Variants in PTPRJ observed in about 807,000 individuals in gnomAD.
PTPRJ encodes protein tyrosine phosphatase receptor type J.
A neutral mutation model predicts 141.3 loss-of-function variants in PTPRJ; 129 were observed. The observed-to-expected ratio is 0.91, with a 90% CI of 0.79 to 1.06. The LOEUF (loss-of-function observed/expected upper bound fraction) is 1.06, where lower values mean the gene tolerates loss of function less well. PTPRJ is among the 50% of genes least tolerant of loss of function. The pLI, the probability that PTPRJ is intolerant of heterozygous loss-of-function variation, is 0.00. For synonymous variants in PTPRJ, 610 were observed against 640.5 expected, an observed-to-expected ratio of 0.95 and a Z score of 0.72; for missense variants, 1,601 against 1,679.7, an observed-to-expected ratio of 0.95 and a Z score of 0.82.
chr11:48,156,050 T>C lies in PTPRJ; in HGVS notation c.3369T>C (p.Phe1123=), dbSNP rs1272662207. ...QGPLPNTLKD[F]WRMVWEKNVY... ...CTTTACCGAACACTTTGAAAGATTT[T>C]TGGCGTATGGTTTGGGAGAAAAATG... Residue 1123 remains phenylalanine, a synonymous_variant, in exon 21 of 25, where the codon TTT becomes TTC. Coordinates refer to ENST00000418331, the MANE Select transcript of PTPRJ (RefSeq NM_002843.4). 1.2e-6 allele frequency: 2 copies of C among 1,603,594 alleles called. No individual in the cohort carries two copies. Among genetic ancestry groups the C allele is most frequent in the South Asian group, 2.2e-5 (2 of 90,848 alleles).
intron 1 of PTPRJ, among the ~76,000 whole-genome samples, chr11:48,014,225 C>T (rs368885284): frequency 1.3e-5 from 2 of 152,256 alleles, no homozygotes; most frequent in South Asian, 2.1e-4. Flanking sequence ...TCTATCCTTC[C>T]TTCTGTGTGA....
At chr11:48,013,791 G>A (rs1854876790) in intron 1 of PTPRJ, among the ~76,000 whole-genome samples, 1 of 152,166 alleles carries the variant, frequency 6.6e-6, no homozygotes, top group South Asian at 2.1e-4. Flanking sequence ...GGGGACTCAG[G>A]ACATGCACCC....
chr11:48,053,251 A>AT (rs1854635384), intron 1 of PTPRJ, among the ~76,000 whole-genome samples: 1 of 82,286 alleles, frequency 1.2e-5, no homozygotes, highest in Non-Finnish European at 2.1e-5. Flanking sequence ...TATTTATATA[A>AT]TATATATAAT....
chr11:48,103,541 A>G (rs187585615), intron 1 of PTPRJ, among the ~76,000 whole-genome samples: 60 of 152,344 alleles, frequency 3.9e-4, no homozygotes, highest in Non-Finnish European at 8.1e-4. Flanking sequence ...CCAAATAGTG[A>G]ATCACATCAA....
At chr11:48,125,699 G>A (rs1856814124) in intron 6 of PTPRJ, among the ~76,000 whole-genome samples, 1 of 152,216 alleles carries the variant, frequency 6.6e-6, no homozygotes, top group Non-Finnish European at 1.5e-5. Flanking sequence ...AGGCTTTGGT[G>A]AAAAGAGCGG....
intron 24 of PTPRJ, 55 bp from the exon 25 acceptor site, chr11:48,167,149 C>T (rs1857934622): frequency 6.5e-7 from 1 of 1,528,178 alleles, no homozygotes; most frequent in African/African-American, 1.4e-5. Context: ...ATTTTGGGTG[C>T]TAATTTCTGG....
Position 48,163,487 on chromosome 11 carries a change from AC to A in PTPRJ, c.3589del (p.Gln1197SerfsTer30). Reference protein sequence around the residue: ...IQTSESHPLRQFHFTSWPDHG... With the variant: ...IQTSESHPLRXFHFTSWPDHG... ...AGACAAGTGAGAGTCACCCTCTGAG[AC>A]AGTTCCATTTCACCTCCTGGCCAGA... On this transcript the variant is annotated frameshift_variant, in exon 23 of 25. Coordinates refer to ENST00000418331, the MANE Select transcript of PTPRJ (RefSeq NM_002843.4). LOFTEE classifies it high-confidence loss of function. 4 of 1,613,992 alleles carry A rather than the reference AC, an allele frequency of 2.5e-6. No individual in the cohort carries two copies. The highest frequency in any genetic ancestry group is 3.4e-6 in the Non-Finnish European group (4 of 1,179,992).
At chr11:48,159,340 A>G (rs1402195375) in intron 21 of PTPRJ, among the ~76,000 whole-genome samples, 2 of 152,222 alleles carry the variant, frequency 1.3e-5, no homozygotes, top group Admixed American at 1.3e-4. Flanking sequence ...GCCTTGGGAA[A>G]AAGTCCTCAT....
intron 18 of PTPRJ, 93 bp from the exon 19 acceptor site, chr11:48,153,703 A>T: frequency 2.6e-6 from 2 of 778,866 alleles, no homozygotes; most frequent in Non-Finnish European, 4.4e-6. Flanking sequence ...TGTCTATGGG[A>T]CTGTTGGGCT....
chr11:48,033,952 C>T (rs1272820798), intron 1 of PTPRJ, among the ~76,000 whole-genome samples: 1 of 152,194 alleles, frequency 6.6e-6, no homozygotes, highest in Non-Finnish European at 1.5e-5. Flanking sequence ...TCCTAAAAGG[C>T]TTCTTCTTTC....
At chr11:48,053,230 T>A (rs1185315722) in intron 1 of PTPRJ, among the ~76,000 whole-genome samples, 3 of 87,236 alleles carry the variant, frequency 3.4e-5, no homozygotes, top group African/African-American at 1.5e-4. Flanking sequence ...TTAAATATAT[T>A]ATATATAATA....
intron 1 of PTPRJ, among the ~76,000 whole-genome samples, chr11:48,001,589 T>C (rs952771577): frequency 3.3e-5 from 5 of 152,202 alleles, no homozygotes; most frequent in Non-Finnish European, 5.9e-5. Flanking sequence ...AACTGACAGA[T>C]GCTGTGCTTC....
In PTPRJ at chr11:48,139,666, C is replaced by T. The variant is rs778399706; in HGVS notation, c.2333C>T (p.Thr778Met). ...TCTGAGAATGGCACTGAGTATAGAA[C>T]GGAAGTCACGTATTTGAATTTTTCT... is the stretch of plus-strand genomic sequence containing the variant. Reference protein sequence around the residue: ...CSSENGTEYRTEVTYLNFSTS... With the variant: ...CSSENGTEYRMEVTYLNFSTS... The change falls in exon 11 of 25, where the codon ACG becomes ATG. Residue 778 changes from threonine to methionine, a missense_variant. Thr to Met is a moderately conservative substitution (Grantham distance 81). Coordinates refer to ENST00000418331, the MANE Select transcript of PTPRJ (RefSeq NM_002843.4). 20 of 1,614,072 alleles carry T rather than the reference C, an allele frequency of 1.2e-5. No individual in the cohort carries two copies. Among genetic ancestry groups the T allele is most frequent in the South Asian group, 7.7e-5 (7 of 91,088 alleles).
At chr11:48,010,043 C>CA (rs772450216) in intron 1 of PTPRJ, among the ~76,000 whole-genome samples, 3 of 152,214 alleles carry the variant, frequency 2.0e-5, no homozygotes, top group Non-Finnish European at 4.4e-5. Flanking sequence ...TCCAGTGTGC[C>CA]ACACGCTTTC....
At chr11:48,012,658 G>C (rs1304869404) in intron 1 of PTPRJ, among the ~76,000 whole-genome samples, 1 of 152,122 alleles carries the variant, frequency 6.6e-6, no homozygotes, top group Non-Finnish European at 1.5e-5. Flanking sequence ...TCCAGGGTGA[G>C]CCCCTTGAGA....
chr11:48,022,876 G>T (rs1376865837), intron 1 of PTPRJ, among the ~76,000 whole-genome samples: 1 of 152,168 alleles, frequency 6.6e-6, no homozygotes, highest in Non-Finnish European at 1.5e-5. Flanking sequence ...TTTCTGGGAA[G>T]ATGCAGGAGG....
chr11:48,000,513 G>C (rs1681623), intron 1 of PTPRJ, among the ~76,000 whole-genome samples: 10,195 of 151,936 alleles, frequency 0.067, 1,108 homozygotes, highest in African/African-American at 0.23. Context: ...TCATATCGCT[G>C]TTAGTATAAA....
chr11:48,097,204 C>T (rs1197271825), intron 1 of PTPRJ, among the ~76,000 whole-genome samples: 1 of 152,084 alleles, frequency 6.6e-6, no homozygotes, highest in Non-Finnish European at 1.5e-5. Flanking sequence ...AGTTTATGCT[C>T]GTCCTCATAG....
rs1005748175 is a variant in PTPRJ at position 48,139,379 on chromosome 11, A to G, written c.2153-107A>G. 4 of 1,247,078 alleles carry G rather than the reference A, an allele frequency of 3.2e-6. No homozygotes were observed. The South Asian group carries it at 5.8e-5, about 18-fold the overall frequency. The allele number at this position is 1,247,078 out of a possible 1,614,324, so 77.3% of individuals were successfully genotyped here. A position where few individuals can be genotyped will look rare whatever the true frequency, so the allele number is the denominator to read the frequency against. On this transcript the variant is annotated intron_variant, in intron 10 of 24. Coordinates refer to ENST00000418331, the MANE Select transcript of PTPRJ (RefSeq NM_002843.4). The stretch of plus-strand genomic sequence containing the variant: ...AGGGTCAGCCCCTGCCTCTTCCACC[A>G]CATCACCCACCCACCTTCTCATCCC...
Sources: gnomAD v4.1 joint callset for allele counts (sites outside exome capture counted in the v4.1 genomes callset) on GRCh38, gnomAD v4.1.1 for gene constraint, MANE v1.5 for transcripts, NCBI Gene and HGNC (gene_info 2026-07-23, HGNC 2026-07-21) for gene names.